PTPRT: variants seen among roughly 807,000 people sequenced by gnomAD.
PTPRT encodes the protein protein tyrosine phosphatase receptor type T.
A neutral mutation model predicts 176.8 loss-of-function variants in PTPRT; 56 were observed. The observed-to-expected ratio is 0.32, with a 90% CI of 0.26 to 0.40. The LOEUF (loss-of-function observed/expected upper bound fraction) is 0.40. PTPRT is among the 10% of genes least tolerant of loss of function. PTPRT has a pLI of 1.00. For missense variants in PTPRT, 1,540 were observed against 1,908.2 expected, an observed-to-expected ratio of 0.81 and a Z score of 3.60; for synonymous variants, 783 against 739.0, an observed-to-expected ratio of 1.06 and a Z score of -0.96.
At chr20:42,896,493 G>T (rs1371559864) in intron 1 of PTPRT, among the ~76,000 whole-genome samples, 6 of 152,040 alleles carry the variant, frequency 3.9e-5, no homozygotes, top group Non-Finnish European at 5.9e-5. Flanking sequence ...AAATTAGCCA[G>T]GCGTGGTGGC....
intron 27 of PTPRT, among the ~76,000 whole-genome samples, chr20:42,093,230 A>AAG (rs1295572573): frequency 6.6e-6 from 1 of 152,156 alleles, no homozygotes; most frequent in African/African-American, 2.4e-5. Flanking sequence ...AAAGAGGGAA[A>AAG]AGATCTTGTC....
At chr20:43,169,973 G>A (rs141471705) in intron 1 of PTPRT, among the ~76,000 whole-genome samples, 21 of 152,116 alleles carry the variant, frequency 1.4e-4, no homozygotes, top group Admixed American at 5.9e-4. Context: ...TAGGTTCCAC[G>A]CAGTGCATTA....
At chr20:42,070,449 G>A (rs1484276882), downstream of PTPRT, among the ~76,000 whole-genome samples, 1 of 151,848 alleles carries the variant, frequency 6.6e-6, no homozygotes, top group Non-Finnish European at 1.5e-5. Flanking sequence ...CTCCAGGACG[G>A]CAGCACATAG....
chr20:42,513,330 C>A (rs553897855), intron 7 of PTPRT, among the ~76,000 whole-genome samples: 1 of 151,606 alleles, frequency 6.6e-6, no homozygotes, highest in East Asian at 1.9e-4. Flanking sequence ...TCTGGATACC[C>A]AATTTTCTTT....
intron 1 of PTPRT, among the ~76,000 whole-genome samples, chr20:43,094,908 A>T (rs528832232): frequency 1.3e-5 from 2 of 152,270 alleles, no homozygotes; most frequent in East Asian, 3.9e-4. Context: ...GAAGAAGATG[A>T]AGCAGGTTAC....
At chr20:42,234,488 T>C (rs1219227392) in intron 15 of PTPRT, among the ~76,000 whole-genome samples, 2 of 152,228 alleles carry the variant, frequency 1.3e-5, no homozygotes, top group African/African-American at 2.4e-5. Context: ...TTTCCTCTAA[T>C]CAGAATTTTA....
intron 1 of PTPRT, among the ~76,000 whole-genome samples, chr20:43,056,584 G>A (rs1389713714): frequency 2.6e-5 from 4 of 152,170 alleles, no homozygotes; most frequent in Admixed American, 6.5e-5. Context: ...ATTTTATTGC[G>A]TGAATCTATT....
At chr20:42,596,011 T>G (rs2073664346) in intron 7 of PTPRT, among the ~76,000 whole-genome samples, 1 of 152,186 alleles carries the variant, frequency 6.6e-6, no homozygotes, top group South Asian at 2.1e-4. Flanking sequence ...GAGTAAAGTC[T>G]TTATCCCTTA....
At chr20:43,109,344 T>C (rs1213760801) in intron 1 of PTPRT, among the ~76,000 whole-genome samples, 1 of 152,110 alleles carries the variant, frequency 6.6e-6, no homozygotes, top group Non-Finnish European at 1.5e-5. Flanking sequence ...TGGGAGTGCG[T>C]GCTTTTCGAA....
At chr20:43,030,391 T>C (rs1986092390) in intron 1 of PTPRT, among the ~76,000 whole-genome samples, 1 of 152,094 alleles carries the variant, frequency 6.6e-6, no homozygotes, top group African/African-American at 2.4e-5. Context: ...ATAAGGTTGA[T>C]TGAATGACTT....
chr20:42,867,757 C>T (rs1749415709), intron 2 of PTPRT, among the ~76,000 whole-genome samples: 1 of 148,750 alleles, frequency 6.7e-6, no homozygotes, highest in South Asian at 2.1e-4. Flanking sequence ...TGTCGGCTCA[C>T]CACAACCTCC....
At chr20:42,521,342 C>A (rs540147115) in intron 7 of PTPRT, among the ~76,000 whole-genome samples, 1 of 152,104 alleles carries the variant, frequency 6.6e-6, no homozygotes, top group Non-Finnish European at 1.5e-5. Context: ...CTGGTTCTCA[C>A]GGAGATAAGG....
chr20:42,518,757 G>T (rs565008331), intron 7 of PTPRT, among the ~76,000 whole-genome samples: 2 of 151,866 alleles, frequency 1.3e-5, no homozygotes, highest in East Asian at 3.9e-4. Flanking sequence ...TACTGTCTTT[G>T]AATCTATAAA....
rs1281278720 is a variant in PTPRT, at chr20:42,268,645, T to C, written c.2176+13844A>G. On this transcript the variant is annotated intron_variant, in intron 13 of 30. Coordinates refer to ENST00000373187, the MANE Select transcript of PTPRT (RefSeq NM_007050.6). ...TAGCATTTTCTAATGGAATTTTTAA[T>C]ATGACTGCATGAAGCACATATGATA... Among the ~76,000 whole-genome samples the C allele has an allele frequency of 3.3e-5, 5 of 152,228 alleles. No individual in the cohort carries two copies. The East Asian group carries it at 9.6e-4, about 29-fold the overall frequency.
At chr20:42,046,186 C>T in the PTPRT span, among the ~76,000 whole-genome samples, 1 of 152,200 alleles carries the variant, frequency 6.6e-6, no homozygotes, top group Admixed American at 6.5e-5. Flanking sequence ...CCCATGATCA[C>T]AGCTCTTGAA....
chr20:42,958,492 G>A (rs1221666168), intron 1 of PTPRT, among the ~76,000 whole-genome samples: 1 of 150,628 alleles, frequency 6.6e-6, no homozygotes, highest in Non-Finnish European at 1.5e-5. Flanking sequence ...AGAAAAGGAA[G>A]GAAGAAAGGA....
At chr20:42,902,897 A>C (rs911817955) in intron 1 of PTPRT, among the ~76,000 whole-genome samples, 1 of 152,182 alleles carries the variant, frequency 6.6e-6, no homozygotes, top group African/African-American at 2.4e-5. Context: ...TTCATTCATT[A>C]ATGCTAGATC....
chr20:42,282,682 G>A (rs573311258), intron 12 of PTPRT, among the ~76,000 whole-genome samples, 157 bp from the exon 13 acceptor site: 1 of 151,766 alleles, frequency 6.6e-6, no homozygotes, highest in East Asian at 1.9e-4. Flanking sequence ...TTCCCCATCG[G>A]ATGACCTTTT....
intron 7 of PTPRT, among the ~76,000 whole-genome samples, chr20:42,479,112 G>C (rs1330867730): frequency 6.6e-6 from 1 of 152,144 alleles, no homozygotes; most frequent in East Asian, 1.9e-4. Flanking sequence ...TGCTGTCAAA[G>C]GCAATAGCTG....
Sources: allele counts gnomAD v4.1 joint callset (sites outside exome capture counted in the v4.1 genomes callset), GRCh38; gene constraint gnomAD v4.1.1; transcripts MANE v1.5; gene names NCBI Gene and HGNC (gene_info 2026-07-23, HGNC 2026-07-21).